The following CAMSAP2 variants were observed in gnomAD, a reference collection of about 807,000 sequenced individuals.
CAMSAP2 encodes the protein calmodulin-regulated spectrin-associated protein 2.
CAMSAP2 carries 26 observed loss-of-function variants against 146.1 expected under a neutral mutation model. That is an observed-to-expected ratio of 0.18 (90% CI 0.13 to 0.25). The LOEUF is 0.25. CAMSAP2 is among the 10% of genes least tolerant of loss of function. The pLI is 1.00. For synonymous variants in CAMSAP2, 499 were observed against 596.6 expected (o/e 0.84, Z 2.38); for missense variants, 1,381 against 1,759.3 (o/e 0.78, Z 3.85).
chr1:200,832,387 C>T lies in CAMSAP2; in HGVS notation c.787+46C>T. The T allele has an allele frequency of 6.5e-7, 1 of 1,547,578 alleles. No individual in the cohort carries two copies. On this transcript the variant is annotated intron_variant, in intron 5 of 16. Coordinates refer to ENST00000358823, the MANE Select transcript of CAMSAP2 (RefSeq NM_203459.4). The surrounding 1 kb of genome is among the most constrained non-coding windows in gnomAD (Gnocchi z 4.2). ...CTTCTGAACTGTAGACAGATAGTAACCAATATTTAAGACAGTATTATTTTG... is the reference window on the plus strand; with the variant it reads ...CTTCTGAACTGTAGACAGATAGTAATCAATATTTAAGACAGTATTATTTTG...
chr1:200,741,803 A>T (rs1664183336), intron 1 of CAMSAP2, among the ~76,000 whole-genome samples: 1 of 152,246 alleles, frequency 6.6e-6, no homozygotes, highest in African/African-American at 2.4e-5. Flanking sequence ...GATGTCTGCC[A>T]GGCACTCTGC....
rs578188179 is a variant in CAMSAP2 at position 200,753,410 on chromosome 1, G to C, written c.140-7429G>C. 1.6e-4 allele frequency among the ~76,000 whole-genome samples: 25 copies of C among 152,100 alleles called. 1 individual carries two copies. In the South Asian group the frequency reaches 5.2e-3, roughly 32 times the overall value. ...TGCCAAACTTTTGCCTGTGTGTCTG[G>C]TACAAGCAGCCAGTTCTCTGCAGGA... On this transcript the variant is annotated intron_variant, in intron 1 of 16. Transcript: ENST00000358823.
Position 200,762,282 on chromosome 1 carries a change from T to TTTAG in CAMSAP2, c.399+1187_399+1188insGTTA, listed in dbSNP as rs545028324. 4.5e-3 allele frequency among the ~76,000 whole-genome samples: 680 copies of TTTAG among 152,320 alleles called. 6 individuals are homozygous for TTTAG. The highest frequency in any genetic ancestry group is 0.016 in the African/African-American group (645 of 41,566). On this transcript the variant is annotated intron_variant, in intron 2 of 16. Coordinates refer to ENST00000358823, the MANE Select transcript of CAMSAP2 (RefSeq NM_203459.4). ...ATAATGTATTGATTAGTTAATGGAA[T>TTTAG]TTATAGATTTACAATATAGTTATTA... is the stretch of plus-strand genomic sequence containing the variant.
chr1:200,842,668 A>G (rs1667354161), intron 7 of CAMSAP2, among the ~76,000 whole-genome samples: 1 of 152,152 alleles, frequency 6.6e-6, no homozygotes, highest in Middle Eastern at 3.2e-3. Flanking sequence ...CTTGGCTCCC[A>G]TTATAAAACT....
chr1:200,808,710 C>T (rs1666246192), intron 3 of CAMSAP2, among the ~76,000 whole-genome samples: 1 of 152,220 alleles, frequency 6.6e-6, no homozygotes, highest in South Asian at 2.1e-4. Flanking sequence ...ACTTCCCATT[C>T]TTGAACAGTT....
At chr1:200,817,018 G>C (rs1356727260) in intron 4 of CAMSAP2, among the ~76,000 whole-genome samples, 1 of 137,122 alleles carries the variant, frequency 7.3e-6, no homozygotes, top group Non-Finnish European at 1.6e-5. Context: ...ACATACACAC[G>C]TATATATGTG....
chr1:200,755,939 G>A (rs1347639683), intron 1 of CAMSAP2, among the ~76,000 whole-genome samples: 1 of 152,132 alleles, frequency 6.6e-6, no homozygotes, highest in African/African-American at 2.4e-5. Context: ...CCATTCATTC[G>A]GTTAAGGGGA....
intron 3 of CAMSAP2, among the ~76,000 whole-genome samples, chr1:200,807,883 G>A (rs10800737): frequency 0.3 from 45,864 of 151,692 alleles, 7,618 homozygotes; most frequent in Middle Eastern, 0.4. Context: ...TGGGATTACA[G>A]GCGTTTGCCA....
intron 2 of CAMSAP2, among the ~76,000 whole-genome samples, chr1:200,763,630 TTTTAA>T (rs2103004809): frequency 6.6e-6 from 1 of 152,322 alleles, no homozygotes; most frequent in African/African-American, 2.4e-5. Flanking sequence ...CCAACCTGTG[TTTTAA>T]TTGTTTACTT....
intron 2 of CAMSAP2, among the ~76,000 whole-genome samples, chr1:200,785,605 G>C (rs1040290661): frequency 5.3e-5 from 8 of 152,144 alleles, no homozygotes; most frequent in Non-Finnish European, 4.4e-5. Context: ...TGCCAGGCCG[G>C]TCTCGAACTC....
intron 3 of CAMSAP2, among the ~76,000 whole-genome samples, chr1:200,812,349 G>C (rs1666355086): frequency 6.6e-6 from 1 of 152,100 alleles, no homozygotes; most frequent in African/African-American, 2.4e-5. Context: ...TAGAACTTTG[G>C]AAATCTACAC....
chr1:200,834,447 G>A (rs1667134426), intron 6 of CAMSAP2, among the ~76,000 whole-genome samples: 2 of 151,836 alleles, frequency 1.3e-5, no homozygotes, highest in South Asian at 4.1e-4. Flanking sequence ...AAATTAAGTT[G>A]TGTTATGAAT....
chr1:200,833,598 A>G (rs1247108982), intron 6 of CAMSAP2, among the ~76,000 whole-genome samples: 4 of 152,252 alleles, frequency 2.6e-5, no homozygotes, highest in East Asian at 1.9e-4. Flanking sequence ...AAATTGATCT[A>G]TTGTCTTAAT....
At chr1:200,797,774 A>T (rs1665926005) in intron 2 of CAMSAP2, among the ~76,000 whole-genome samples, 2 of 104,926 alleles carry the variant, frequency 1.9e-5, no homozygotes, top group Non-Finnish European at 3.8e-5. Flanking sequence ...GGTAATGCCT[A>T]GGTTTTCTTC....
intron 2 of CAMSAP2, among the ~76,000 whole-genome samples, chr1:200,761,645 G>T (rs895767783): frequency 6.6e-6 from 1 of 151,130 alleles, no homozygotes; most frequent in Non-Finnish European, 1.5e-5. Flanking sequence ...TGAGGCAGGA[G>T]AATCGCTTGA....
At chr1:200,801,718 A>G (rs143199310) in intron 2 of CAMSAP2, among the ~76,000 whole-genome samples, 1,578 of 152,134 alleles carry the variant, frequency 0.01, 22 homozygotes, top group African/African-American at 0.03. Flanking sequence ...AAATTATCTG[A>G]AGGTTATTAA....
chr1:200,838,047 C>T (rs771669038), intron 6 of CAMSAP2, among the ~76,000 whole-genome samples: 1 of 152,146 alleles, frequency 6.6e-6, no homozygotes, highest in Non-Finnish European at 1.5e-5. Flanking sequence ...ATTAATCTGG[C>T]ATCATTCCTG....
chr1:200,801,317 T>G (rs1571769817), intron 2 of CAMSAP2, among the ~76,000 whole-genome samples: 1 of 151,998 alleles, frequency 6.6e-6, no homozygotes, highest in East Asian at 1.9e-4. Flanking sequence ...TCTTCTGGCT[T>G]GTAGGGTTTC....
chr1:200,841,437 G>A (rs534878111), intron 6 of CAMSAP2, among the ~76,000 whole-genome samples: 3 of 152,208 alleles, frequency 2.0e-5, no homozygotes, highest in Admixed American at 6.5e-5. Flanking sequence ...TAGTAGAGAC[G>A]GGGTTTCACC....
Sources: allele counts gnomAD v4.1 joint callset (sites outside exome capture counted in the v4.1 genomes callset), GRCh38; gene constraint gnomAD v4.1.1; non-coding constraint Gnocchi (gnomAD v3.1); transcripts MANE v1.5; gene names NCBI Gene and HGNC (gene_info 2026-07-23, HGNC 2026-07-21).